The following POLR1B variants were observed in gnomAD, a reference collection of about 807,000 sequenced individuals.
POLR1B encodes DNA-directed RNA polymerase I subunit RPA2.
POLR1B carries 30 observed loss-of-function variants against 105.8 expected under a neutral mutation model. The observed-to-expected ratio is 0.28, with a 90% confidence interval of 0.21 to 0.38. The LOEUF (loss-of-function observed/expected upper bound fraction) is 0.38, where lower values mean the gene tolerates loss of function less well. Among genes scored for constraint, POLR1B ranks in the 10% least tolerant of loss-of-function variants. POLR1B has a pLI of 1.00. For missense variants in POLR1B, 976 were observed against 1,435.8 expected (o/e 0.68, Z 5.17); for synonymous variants, 485 against 505.1 (o/e 0.96, Z 0.53).
At chr2:112,567,612 C>A (rs980751345) in intron 10 of POLR1B, among the ~76,000 whole-genome samples, 2 of 152,116 alleles carry the variant, frequency 1.3e-5, no homozygotes, top group Admixed American at 6.6e-5. Context: ...CCTCTGGGCT[C>A]AAGTGATCCA....
chr2:112,562,362 C>A (rs1684032054), intron 9 of POLR1B, among the ~76,000 whole-genome samples: 1 of 151,926 alleles, frequency 6.6e-6, no homozygotes, highest in African/African-American at 2.4e-5. Flanking sequence ...TCCCATAGGC[C>A]CCTGTCCCCT....
At chr2:112,553,486 A>ATTTTTTT (rs1280018420) in intron 7 of POLR1B, 1 of 151,424 alleles carries the variant, frequency 6.6e-6, no homozygotes, top group African/African-American at 2.4e-5. Context: ...CTAATTTTTA[A>ATTTTTTT]TTTTTTTTGT....
At chr2:112,548,583 A>G (rs775865361) in intron 3 of POLR1B, among the ~76,000 whole-genome samples, 118 of 151,642 alleles carry the variant, frequency 7.8e-4, no homozygotes, top group Non-Finnish European at 1.4e-3. Context: ...CCATACTCGT[A>G]TGGAAGCAAA....
At chr2:112,548,561 G>GT (rs1436928809) in intron 3 of POLR1B, among the ~76,000 whole-genome samples, 1 of 151,512 alleles carries the variant, frequency 6.6e-6, no homozygotes, top group Non-Finnish European at 1.5e-5. Context: ...GTTTTTGAAC[G>GT]TATTTGGGAA....
chr2:112,564,569 G>T, intron 10 of POLR1B, 70 bp downstream of exon 10: 1 of 1,602,304 alleles, frequency 6.2e-7, no homozygotes, highest in Non-Finnish European at 8.5e-7. Flanking sequence ...CTAGTTTTGG[G>T]GTTAACCCCT....
chr2:112,564,361 A>C lies in POLR1B; in HGVS notation c.1613-5A>C. 1.2e-6 allele frequency: 2 copies of C among 1,613,912 alleles called. No homozygotes were observed. Among genetic ancestry groups the C allele is most frequent in the Middle Eastern group, 3.3e-4 (2 of 6,062 alleles). ...TGTGATTGTGCTGTTTGTTTCCTTT[A>C]CCAGGGGTCACTCCCATTGATGGAG... On this transcript the variant is annotated splice_region_variant and splice_polypyrimidine_tract_variant and intron_variant, in intron 9 of 14. Transcript: ENST00000263331.
At chr2:112,559,647 T>G in intron 9 of POLR1B, 73 bp downstream of exon 9, 5 of 1,534,072 alleles carry the variant, frequency 3.3e-6, no homozygotes, top group Non-Finnish European at 3.6e-6. Context: ...TTTGTTTGTT[T>G]TGAGATGGAG....
rs1462727692 is a variant in POLR1B at position 112,578,594 on chromosome 2, T to A, written c.*2865T>A. On this transcript the variant is annotated 3_prime_UTR_variant, in exon 15 of 15. Transcript: ENST00000263331. ...TAACCATTCACCTTGAACATTTTGG[T>A]TGTTTCCAGTTTGGGGGCATTAACA... is the stretch of plus-strand genomic sequence containing the variant. Among the ~76,000 whole-genome samples the A allele has an allele frequency of 6.6e-6, 1 of 152,194 alleles. No individual in the cohort carries two copies. Among genetic ancestry groups the A allele is most frequent in the East Asian group, 1.9e-4 (1 of 5,194 alleles).
intron 12 of POLR1B, among the ~76,000 whole-genome samples, chr2:112,571,305 A>T (rs11677050): frequency 0.38 from 57,854 of 152,056 alleles, 12,355 homozygotes; most frequent in Non-Finnish European, 0.48. Flanking sequence ...TTGTATTATG[A>T]ACATTGCGAG....
intron 7 of POLR1B, among the ~76,000 whole-genome samples, chr2:112,555,666 A>G (rs148642204): frequency 1.6e-3 from 237 of 152,362 alleles, no homozygotes; most frequent in Middle Eastern, 0.01. Context: ...GAAAAAAGAA[A>G]TGAGTCTTCT....
At chr2:112,543,240 G>A (rs1272490746) in intron 1 of POLR1B, among the ~76,000 whole-genome samples, 1 of 152,186 alleles carries the variant, frequency 6.6e-6, no homozygotes, top group Non-Finnish European at 1.5e-5. Context: ...AGTGAGTATG[G>A]TGGGGGAAAG....
At chr2:112,548,643 C>G (rs1399323017) in intron 3 of POLR1B, among the ~76,000 whole-genome samples, 1 of 150,288 alleles carries the variant, frequency 6.7e-6, no homozygotes, top group Non-Finnish European at 1.5e-5. Context: ...GACGGAGTCT[C>G]CCTCTCTCAC....
intron 3 of POLR1B, 149 bp from the exon 4 acceptor site, chr2:112,549,118 T>A: frequency 1.2e-6 from 1 of 833,446 alleles, no homozygotes; most frequent in Non-Finnish European, 1.9e-6. Flanking sequence ...AAAGACAGTG[T>A]CTGTGTACTG....
chr2:112,573,191 C>T (rs1684679448), intron 13 of POLR1B, among the ~76,000 whole-genome samples: 1 of 152,190 alleles, frequency 6.6e-6, no homozygotes, highest in African/African-American at 2.4e-5. Context: ...CAACCTCCAC[C>T]TTCTGGGTTC....
intron 1 of POLR1B, among the ~76,000 whole-genome samples, chr2:112,542,982 C>T (rs1228573222): frequency 6.6e-6 from 1 of 152,162 alleles, no homozygotes; most frequent in Non-Finnish European, 1.5e-5. Flanking sequence ...ATGCACACGG[C>T]TTTATATCAC....
chr2:112,568,297 C>T (rs1684410246), intron 11 of POLR1B, among the ~76,000 whole-genome samples, 160 bp downstream of exon 11: 1 of 152,142 alleles, frequency 6.6e-6, no homozygotes, highest in South Asian at 2.1e-4. Context: ...ATGATCAGCA[C>T]AGAGCAATTT....
In POLR1B at chr2:112,577,340, T is replaced by G. The variant is rs183029897; in HGVS notation, c.*1611T>G. Reference sequence around the variant, plus strand: ...AGGAGCAATCACTTGTGCCTGGGAGTTCTAGACTAGCCTGGGCGAGACTTC... The same window carrying G: ...AGGAGCAATCACTTGTGCCTGGGAGGTCTAGACTAGCCTGGGCGAGACTTC... On this transcript the variant is annotated 3_prime_UTR_variant, in exon 15 of 15. Transcript: ENST00000263331. 6.6e-6 allele frequency among the ~76,000 whole-genome samples: 1 copy of G among 152,030 alleles called. No homozygotes were observed. The highest frequency in any genetic ancestry group is 1.9e-4 in the East Asian group (1 of 5,168).
In POLR1B at chr2:112,559,435, A is replaced by G; in HGVS notation, c.1473A>G (p.Pro491=). The G allele has an allele frequency of 6.2e-7, 1 of 1,614,256 alleles. No homozygotes were observed. Among genetic ancestry groups the G allele is most frequent in the Non-Finnish European group, 8.5e-7 (1 of 1,180,050 alleles). The change falls in exon 9 of 15, where the codon CCA becomes CCG. Residue 491 remains proline (P), a synonymous_variant. Transcript: ENST00000263331. ...MRTTTVRRLL[P]ESWGFLCPVH... is the part of the protein sequence containing the mutation. Reference sequence around the variant, plus strand: ...CCACCACAGTACGCAGGCTGCTGCCAGAGTCCTGGGGCTTCCTTTGTCCCG... The same window carrying G: ...CCACCACAGTACGCAGGCTGCTGCCGGAGTCCTGGGGCTTCCTTTGTCCCG...
chr2:112,563,099 G>T (rs573212064), intron 9 of POLR1B, among the ~76,000 whole-genome samples: 1 of 147,368 alleles, frequency 6.8e-6, no homozygotes, highest in South Asian at 2.1e-4. Context: ...CTGTCACCCA[G>T]GCTGGAGTGC....
Sources: gnomAD v4.1 joint callset for allele counts (sites outside exome capture counted in the v4.1 genomes callset) on GRCh38, gnomAD v4.1.1 for gene constraint, MANE v1.5 for transcripts, NCBI Gene and HGNC (gene_info 2026-07-23, HGNC 2026-07-21) for gene names.